The following NAA25 variants were observed in gnomAD, a reference collection of about 807,000 sequenced individuals.
NAA25 encodes the protein N-alpha-acetyltransferase 25, NatB auxiliary subunit.
In NAA25, 30 loss-of-function variants were observed where a neutral mutation model predicts 132.5. The ratio of observed to expected loss-of-function variants is 0.23; its 90% confidence interval spans 0.17 to 0.31. The LOEUF (loss-of-function observed/expected upper bound fraction) is 0.31, where lower values mean the gene tolerates loss of function less well. NAA25 is among the 10% of genes least tolerant of loss of function. The pLI is 1.00. For missense variants in NAA25, 771 were observed against 1,150.4 expected, an observed-to-expected ratio of 0.67 and a Z score of 4.77; for synonymous variants, 359 against 401.9, an observed-to-expected ratio of 0.89 and a Z score of 1.28.
chr12:112,060,125 G>C, intron 13 of NAA25, 145 bp downstream of exon 13: 1 of 598,266 alleles, frequency 1.7e-6, no homozygotes, highest in East Asian at 3.2e-5. Flanking sequence ...GGTTTTTCTG[G>C]AAGCACCCTA....
chr12:112,072,513 G>C (rs577219342), intron 9 of NAA25, among the ~76,000 whole-genome samples: 1 of 151,682 alleles, frequency 6.6e-6, no homozygotes, highest in South Asian at 2.1e-4. Context: ...GGAGGCTGAG[G>C]CAGGAGAATC....
chr12:112,031,449 G>A (rs2078148875), intron 23 of NAA25, among the ~76,000 whole-genome samples: 1 of 152,186 alleles, frequency 6.6e-6, no homozygotes, highest in South Asian at 2.1e-4. Flanking sequence ...ATAATCCTAT[G>A]AAGTAGGCAT....
At chr12:112,052,421 A>G (rs2078481297) in intron 15 of NAA25, among the ~76,000 whole-genome samples, 1 of 152,154 alleles carries the variant, frequency 6.6e-6, no homozygotes, top group Non-Finnish European at 1.5e-5. Flanking sequence ...TAAGGGGGCC[A>G]CTTTGGGGAG....
At chr12:112,036,073 A>G (rs1327560236) in intron 22 of NAA25, among the ~76,000 whole-genome samples, 4 of 152,210 alleles carry the variant, frequency 2.6e-5, no homozygotes, top group Non-Finnish European at 4.4e-5. Flanking sequence ...AAACCTTAAT[A>G]AAACAGCACA....
At chr12:112,097,844 C>A (rs2079237112) in intron 1 of NAA25, among the ~76,000 whole-genome samples, 1 of 151,410 alleles carries the variant, frequency 6.6e-6, no homozygotes, top group African/African-American at 2.4e-5. Flanking sequence ...CCGAGCAGAC[C>A]CGGCGGCTCA....
chr12:112,043,480 G>T, intron 18 of NAA25, 145 bp downstream of exon 18: 1 of 997,124 alleles, frequency 1.0e-6, no homozygotes, highest in Non-Finnish European at 1.4e-6. Flanking sequence ...TTCCCTCTGA[G>T]TCTAAAATAT....
chr12:112,037,342 A>G (rs1406447723), intron 22 of NAA25, among the ~76,000 whole-genome samples: 1 of 138,140 alleles, frequency 7.2e-6, no homozygotes, highest in Non-Finnish European at 1.6e-5. Flanking sequence ...ATATATTCAA[A>G]TATGTATGAA....
intron 8 of NAA25, 48 bp from the exon 9 acceptor site, chr12:112,074,812 C>G (rs780649667): frequency 8.1e-7 from 1 of 1,230,376 alleles, no homozygotes; most frequent in Non-Finnish European, 1.2e-6. Flanking sequence ...CAAGTTGTGA[C>G]AGATCTTCCT....
intron 18 of NAA25, 42 bp downstream of exon 18, chr12:112,043,583 A>G (rs750941673): frequency 6.2e-7 from 1 of 1,604,820 alleles, no homozygotes; most frequent in South Asian, 1.1e-5. Flanking sequence ...AGTCATAAAT[A>G]TAATTATTGC....
Position 112,033,321 on chromosome 12 carries a change from T to C in NAA25, c.2708A>G (p.Asn903Ser), listed in dbSNP as rs768105986. The C allele has an allele frequency of 1.1e-5, 18 of 1,613,322 alleles. No individual in the cohort carries two copies. The highest frequency in any genetic ancestry group is 6.7e-5 in the African/African-American group (5 of 74,878). Residue 903 changes from asparagine (N) to serine (S), a missense_variant, in exon 23 of 24, where the codon AAT (asparagine) becomes AGT (serine). Asn to Ser is a conservative substitution (Grantham distance 46). Transcript: ENST00000261745. ...YVTGLQTLIS[N>S]VVDHIKGLET... ...AAGCCCTTTAATATGATCCACAACATTGGAAATTAAAGTCTGAAGCCCAGT... is the reference window on the plus strand; with the variant it reads ...AAGCCCTTTAATATGATCCACAACACTGGAAATTAAAGTCTGAAGCCCAGT...
chr12:112,078,131 A>C lies in NAA25; in HGVS notation c.664+57T>G, dbSNP rs1345437584. On this transcript the variant is annotated intron_variant, in intron 7 of 23. Transcript: ENST00000261745. ...TATGTGGAAATTTTCTACAATAAACATTTTTCATGTTTAAATAGGAAAAAA... is the reference window on the plus strand; with the variant it reads ...TATGTGGAAATTTTCTACAATAAACCTTTTTCATGTTTAAATAGGAAAAAA... The C allele has an allele frequency of 4.0e-6, 5 of 1,253,802 alleles. No homozygotes were observed. The Admixed American group carries it at 6.6e-5, about 17-fold the overall frequency. The allele number at this position is 1,253,802 out of a possible 1,614,324, so 77.7% of individuals were successfully genotyped here. A position where few individuals can be genotyped will look rare whatever the true frequency, so the allele number is the denominator to read the frequency against.
chr12:112,074,168 C>A (rs1276369576), intron 9 of NAA25, among the ~76,000 whole-genome samples: 5 of 151,650 alleles, frequency 3.3e-5, no homozygotes, highest in African/African-American at 7.3e-5. Context: ...CGGTGAAACC[C>A]CGTCTCTACC....
At chr12:112,086,005 A>C (rs921048866) in intron 4 of NAA25, among the ~76,000 whole-genome samples, 1 of 102,640 alleles carries the variant, frequency 9.7e-6, no homozygotes, top group Non-Finnish European at 1.8e-5. Context: ...TGACAGAGTG[A>C]GACTGTCTCA....
At chr12:112,092,720 T>TG (rs918941989) in intron 2 of NAA25, among the ~76,000 whole-genome samples, 1 of 148,798 alleles carries the variant, frequency 6.7e-6, no homozygotes, top group Non-Finnish European at 1.5e-5. Flanking sequence ...CTCTGTCACC[T>TG]GGGCTAGAGT....
intron 17 of NAA25, among the ~76,000 whole-genome samples, chr12:112,045,028 G>A (rs1035736092): frequency 1.3e-5 from 2 of 152,064 alleles, no homozygotes; most frequent in African/African-American, 4.8e-5. Flanking sequence ...ACTCCAGCCT[G>A]GGTAAGATCC....
chr12:112,075,267 C>A (rs981308291), intron 8 of NAA25, among the ~76,000 whole-genome samples: 2 of 151,818 alleles, frequency 1.3e-5, no homozygotes, highest in African/African-American at 4.8e-5. Flanking sequence ...CAGCTCACTG[C>A]AACCTCTGCC....
intron 8 of NAA25, among the ~76,000 whole-genome samples, chr12:112,075,191 C>G (rs74464951): frequency 9.1e-5 from 13 of 143,644 alleles, no homozygotes; most frequent in Admixed American, 6.3e-4. Context: ...GCACAAGTAT[C>G]TTTTTTTTTT....
intron 15 of NAA25, among the ~76,000 whole-genome samples, chr12:112,052,950 CA>C (rs1402334621): frequency 6.6e-6 from 1 of 152,210 alleles, no homozygotes; most frequent in African/African-American, 2.4e-5. Context: ...GGTTTTCCTA[CA>C]AAAACCTCGG....
intron 10 of NAA25, 117 bp downstream of exon 10, chr12:112,071,778 C>A (rs776298689): frequency 2.9e-6 from 2 of 688,884 alleles, no homozygotes; most frequent in Admixed American, 3.5e-5. Flanking sequence ...TATTTTCAGG[C>A]TATGAAGACA....
Sources: allele counts gnomAD v4.1 joint callset (sites outside exome capture counted in the v4.1 genomes callset), GRCh38; gene constraint gnomAD v4.1.1; transcripts MANE v1.5; gene names NCBI Gene and HGNC (gene_info 2026-07-23, HGNC 2026-07-21).